HYKK: variants seen among roughly 807,000 people sequenced by gnomAD.
HYKK encodes the protein hydroxylysine kinase.
A neutral mutation model predicts 29.7 loss-of-function variants in HYKK; 19 were observed. The observed-to-expected ratio is 0.64, with a 90% CI of 0.45 to 0.94. HYKK has a LOEUF of 0.94. Among genes scored for constraint, HYKK ranks in the 40% least tolerant of loss-of-function variants. The pLI is 0.00. For missense variants in HYKK, 390 were observed against 443.4 expected, an observed-to-expected ratio of 0.88 and a Z score of 1.08; for synonymous variants, 152 against 158.1, an observed-to-expected ratio of 0.96 and a Z score of 0.29.
intron 1 of HYKK, among the ~76,000 whole-genome samples, chr15:78,508,070 A>G (rs2141549966): frequency 6.6e-6 from 1 of 152,218 alleles, no homozygotes; most frequent in East Asian, 1.9e-4. Context: ...CTCTTGGTTC[A>G]GCAGCCCCTC....
At chr15:78,527,310 C>T in intron 3 of HYKK, 70 bp from the exon 4 acceptor site, 1 of 1,205,100 alleles carries the variant, frequency 8.3e-7, no homozygotes, top group Non-Finnish European at 1.2e-6. Context: ...AAAAAATGTG[C>T]AGCACCTCCC....
chr15:78,535,744 G>T lies in HYKK; in HGVS notation c.*2074G>T, dbSNP rs72738786. 40,213 of 151,938 alleles carry T rather than the reference G, an allele frequency of 0.26. 6,181 individuals carry two copies. The highest frequency in any genetic ancestry group is 0.4 in the Middle Eastern group (119 of 294). 9.4% of individuals were successfully genotyped at this position (151,938 alleles called of 1,614,324 possible). ...TTTTTGTTTGTTTGTTTGAGATAGGGTCTCACTCCGTCACCGACGCTGGAG... is the reference window on the plus strand; with the variant it reads ...TTTTTGTTTGTTTGTTTGAGATAGGTTCTCACTCCGTCACCGACGCTGGAG... On this transcript the variant is annotated 3_prime_UTR_variant, in exon 5 of 5. Coordinates refer to ENST00000388988, the MANE Select transcript of HYKK (RefSeq NM_001013619.4).
In HYKK at chr15:78,535,057, T is replaced by C. The variant is rs1200192972; in HGVS notation, c.*1387T>C. ...AGTAAATGGCTGTTTACTATTCTTATGATTTCAACTATTCATTGTCTACAG... is the reference window on the plus strand; with the variant it reads ...AGTAAATGGCTGTTTACTATTCTTACGATTTCAACTATTCATTGTCTACAG... On this transcript the variant is annotated 3_prime_UTR_variant, in exon 5 of 5. Coordinates refer to ENST00000388988, the MANE Select transcript of HYKK (RefSeq NM_001013619.4). 6.6e-6 allele frequency: 1 copy of C among 152,192 alleles called. No individual in the cohort carries two copies. The highest frequency in any genetic ancestry group is 1.5e-5 in the Non-Finnish European group (1 of 68,030). 9.4% of individuals were successfully genotyped at this position (152,192 alleles called of 1,614,324 possible). A position where few individuals can be genotyped will look rare whatever the true frequency, so the allele number is the denominator to read the frequency against.
Position 78,527,566 on chromosome 15 carries a change from G to C in HYKK, c.661+3G>C. On this transcript the variant is annotated splice_donor_region_variant and intron_variant, in intron 4 of 4. Coordinates refer to ENST00000388988, the MANE Select transcript of HYKK (RefSeq NM_001013619.4). ...CAAATTAAGTCATTTTCGAGAATGT[G>C]AGTATTCTCCCAATTAAGTATTTTT... 1 of 1,611,688 alleles carries C rather than the reference G, an allele frequency of 6.2e-7. No individual in the cohort carries two copies. The highest frequency in any genetic ancestry group is 8.5e-7 in the Non-Finnish European group (1 of 1,177,972).
At chr15:78,527,022 TC>T (rs1333610869) in intron 3 of HYKK, among the ~76,000 whole-genome samples, 1 of 151,504 alleles carries the variant, frequency 6.6e-6, no homozygotes, top group Non-Finnish European at 1.5e-5. Flanking sequence ...ACACCTGTAA[TC>T]CCAGCACTTT....
downstream of HYKK, chr15:78,537,315 C>T: frequency 1.5e-6 from 1 of 664,138 alleles, no homozygotes. Context: ...AGCACCGTGC[C>T]AGGCCCCTAG....
Position 78,533,636 on chromosome 15 carries a change from C to T in HYKK, c.1088C>T (p.Thr363Ile). 3 of 1,614,100 alleles carry T rather than the reference C, an allele frequency of 1.9e-6. No individual in the cohort carries two copies. The highest frequency in any genetic ancestry group is 2.5e-6 in the Non-Finnish European group (3 of 1,179,938). The change falls in exon 5 of 5, where the codon ACT (threonine) becomes ATT (isoleucine). Residue 363 changes from threonine to isoleucine, a missense_variant. Coordinates refer to ENST00000388988, the MANE Select transcript of HYKK (RefSeq NM_001013619.4). ...QKAVEEIWFE[T>I]AKSYESGISM ...GCTGTAGAAGAAATCTGGTTTGAAA[C>T]TGCCAAATCCTATGAATCTGGGATC...
At chr15:78,512,981 A>T in intron 1 of HYKK, 103 bp from the exon 2 acceptor site, 1 of 652,384 alleles carries the variant, frequency 1.5e-6, no homozygotes. Context: ...CAAAAGAAGT[A>T]CAGAATCAAC....
At chr15:78,533,065 A>C (rs1049817244) in intron 4 of HYKK, 145 bp from the exon 5 acceptor site, 5 of 618,716 alleles carry the variant, frequency 8.1e-6, no homozygotes, top group Non-Finnish European at 1.4e-5. Context: ...TTTTCAGAGG[A>C]AATTATTTTA....
chr15:78,515,460 G>T (rs1013164487), intron 3 of HYKK, among the ~76,000 whole-genome samples: 1 of 152,062 alleles, frequency 6.6e-6, no homozygotes, highest in African/African-American at 2.4e-5. Context: ...GCGTGTGCCT[G>T]TAGTCTCAGC....
Position 78,533,583 on chromosome 15 carries a change from AC to A in HYKK, c.1036del (p.Gln346SerfsTer11), listed in dbSNP as rs771773553. ...CTGCAAAAACCGGGTGGAAACACTT[AC>A]AGCAAATGTTTGACATGGGTCAGAA... ...VTAKTGWKHL[Q>X]QMFDMGQKAV... On this transcript the variant is annotated frameshift_variant, in exon 5 of 5. Coordinates refer to ENST00000388988, the MANE Select transcript of HYKK (RefSeq NM_001013619.4). LOFTEE classifies it high-confidence loss of function. 6 of 1,614,242 alleles carry A rather than the reference AC, an allele frequency of 3.7e-6. No homozygotes were observed. The South Asian group carries it at 4.4e-5, about 12-fold the overall frequency.
rs372993640 is a variant in HYKK at position 78,517,211 on chromosome 15, C to T, written c.477+2104C>T. 6.3e-4 allele frequency among the ~76,000 whole-genome samples: 93 copies of T among 147,544 alleles called. 1 individual carries two copies. The highest frequency in any genetic ancestry group is 2.3e-3 in the African/African-American group (91 of 40,240). ...CCCGGGCTCATTGCATTATTTCTGA[C>T]AGGAAATCTGCCATCAGATCGTCCC... On this transcript the variant is annotated intron_variant, in intron 3 of 4. Transcript: ENST00000388988.
chr15:78,513,295 C>T lies in HYKK; in HGVS notation c.207C>T (p.Thr69=), dbSNP rs145145583. 163 of 1,614,134 alleles carry T rather than the reference C, an allele frequency of 1.0e-4. No homozygotes were observed. In the African/African-American group the frequency reaches 1.9e-3, roughly 19 times the overall value. The change falls in exon 2 of 5, where the codon ACC becomes ACT. Residue 69 remains threonine (T), a synonymous_variant. Transcript: ENST00000388988. ...AATATGTCCTCAAAATAAGCAACAC[C>T]AAGGCTAGCAAAAATCCAGACCTGA... is the stretch of plus-strand genomic sequence containing the variant. The part of the protein sequence containing the change: ...PTEYVLKISN[T]KASKNPDLIE...
intron 1 of HYKK, among the ~76,000 whole-genome samples, chr15:78,507,981 G>C (rs936278083): frequency 6.6e-6 from 1 of 152,134 alleles, no homozygotes; most frequent in Non-Finnish European, 1.5e-5. Context: ...GCCGGCGCCT[G>C]GCCGGTGTCT....
At chr15:78,516,730 G>T (rs1051429651) in intron 3 of HYKK, among the ~76,000 whole-genome samples, 3 of 152,102 alleles carry the variant, frequency 2.0e-5, no homozygotes, top group Non-Finnish European at 4.4e-5. Context: ...ATACAGAAAA[G>T]AGGTTTAGGC....
chr15:78,533,944 G>T lies in HYKK; in HGVS notation c.*274G>T. The T allele has an allele frequency of 2.7e-6, 1 of 364,398 alleles. No homozygotes were observed. Among genetic ancestry groups the T allele is most frequent in the Non-Finnish European group, 4.9e-6 (1 of 202,296 alleles). The allele number at this position is 364,398 out of a possible 1,614,324, so 22.6% of individuals were successfully genotyped here. A position where few individuals can be genotyped will look rare whatever the true frequency, so the allele number is the denominator to read the frequency against. ...CATATAATGATACCATTTTGAAGCA[G>T]ATAATCTCACAAGATCTATTCCTGC... On this transcript the variant is annotated 3_prime_UTR_variant, in exon 5 of 5. Transcript: ENST00000388988.
In HYKK at chr15:78,515,007, T is replaced by C. The variant is rs929860582; in HGVS notation, c.377T>C (p.Leu126Pro). 29 of 1,596,926 alleles carry C rather than the reference T, an allele frequency of 1.8e-5. No individual in the cohort carries two copies. Among genetic ancestry groups the C allele is most frequent in the Non-Finnish European group, 2.4e-5 (28 of 1,170,590 alleles). The change falls in exon 3 of 5, where the codon CTG becomes CCG. Residue 126 changes from leucine to proline, a missense_variant. Coordinates refer to ENST00000388988, the MANE Select transcript of HYKK (RefSeq NM_001013619.4). ...ATCAAAAGCTACTTGGTGAGGCTGCTGACTTACCTCCCAGGAAGACCCATC... is the reference window on the plus strand; with the variant it reads ...ATCAAAAGCTACTTGGTGAGGCTGCCGACTTACCTCCCAGGAAGACCCATC... Reference protein sequence around the residue: ...SEIKSYLVRLLTYLPGRPIAE... With the variant: ...SEIKSYLVRLPTYLPGRPIAE...
intron 1 of HYKK, among the ~76,000 whole-genome samples, chr15:78,508,510 C>G (rs146496639): frequency 6.1e-4 from 93 of 152,200 alleles, no homozygotes; most frequent in African/African-American, 2.0e-3. Context: ...TTCCAGCCCC[C>G]TCCCGGCTGC....
At chr15:78,515,139 G>A (rs1458207306) in intron 3 of HYKK, 32 bp downstream of exon 3, 1 of 1,485,612 alleles carries the variant, frequency 6.7e-7, no homozygotes, top group Non-Finnish European at 9.0e-7. Flanking sequence ...TATTCTAAGG[G>A]ATGTTTGTTT....
Sources: allele counts gnomAD v4.1 joint callset (sites outside exome capture counted in the v4.1 genomes callset), GRCh38; gene constraint gnomAD v4.1.1; transcripts MANE v1.5; gene names NCBI Gene and HGNC (gene_info 2026-07-23, HGNC 2026-07-21).